The following EPAS1 variants were observed in gnomAD, a reference collection of about 807,000 sequenced individuals.
EPAS1 encodes endothelial PAS domain protein 1.
Under a neutral mutation model 87.9 loss-of-function variants are expected in EPAS1, and 23 were observed. That is an observed-to-expected ratio of 0.26 (90% CI 0.19 to 0.37). The LOEUF (loss-of-function observed/expected upper bound fraction) is 0.37. Ranked by LOEUF, EPAS1 falls within the 10% of genes least tolerant of loss-of-function variation. The pLI, the probability that EPAS1 is intolerant of heterozygous loss-of-function variation, is 1.00. For missense variants in EPAS1, 1,138 were observed against 1,120.7 expected, an observed-to-expected ratio of 1.02 and a Z score of -0.22; for synonymous variants, 508 against 444.3, an observed-to-expected ratio of 1.14 and a Z score of -1.80.
At chr2:46,382,396 A>G in intron 14 of EPAS1, 29 bp from the exon 15 acceptor site, 1 of 1,613,802 alleles carries the variant, frequency 6.2e-7, no homozygotes, top group Non-Finnish European at 8.5e-7. Context: ...GGCCAATGCT[A>G]CCGTCACTCT....
At chr2:46,306,271 T>C (rs1320044238) in intron 1 of EPAS1, among the ~76,000 whole-genome samples, 1 of 152,084 alleles carries the variant, frequency 6.6e-6, no homozygotes, top group Non-Finnish European at 1.5e-5. Context: ...CACTACTTTG[T>C]ATAAGTTTTT....
At chr2:46,343,600 CAT>C (rs891044995) in intron 1 of EPAS1, among the ~76,000 whole-genome samples, 1 of 152,216 alleles carries the variant, frequency 6.6e-6, no homozygotes, top group African/African-American at 2.4e-5. Flanking sequence ...TGAGATAACA[CAT>C]GTTAAGAAGA....
rs1205456989 is a variant in EPAS1, at chr2:46,371,427, A to T, written c.886+1494A>T. 6.6e-6 allele frequency among the ~76,000 whole-genome samples: 1 copy of T among 152,056 alleles called. No individual in the cohort carries two copies. The highest frequency in any genetic ancestry group is 2.4e-5 in the African/African-American group (1 of 41,394). On this transcript the variant is annotated intron_variant, in intron 7 of 15. Transcript: ENST00000263734. The surrounding 1 kb of genome is among the most constrained non-coding windows in gnomAD (Gnocchi z 4.3). ...TGACAGTACAACAGGGCCCATTATG[A>T]TATCTCAGAGAAGTTTCTCACTGTG...
Position 46,381,451 on chromosome 2 carries a change from C to A in EPAS1, c.2046-145C>A, listed in dbSNP as rs1684889300. 7 of 1,330,024 alleles carry A rather than the reference C, an allele frequency of 5.3e-6. No individual in the cohort carries two copies. The South Asian group carries it at 6.0e-5, about 11-fold the overall frequency. 82.4% of individuals were successfully genotyped at this position (1,330,024 alleles called of 1,614,324 possible). A position where few individuals can be genotyped will look rare whatever the true frequency, so the allele number is the denominator to read the frequency against. On this transcript the variant is annotated intron_variant, in intron 12 of 15. Coordinates refer to ENST00000263734, the MANE Select transcript of EPAS1 (RefSeq NM_001430.5). ...AGCTCGAGCTCGGCCTGCAGGTGCA[C>A]AGCCTGCCTCTGAGACTCTGCCTTT...
chr2:46,380,254 A>G lies in EPAS1; in HGVS notation c.1582A>G (p.Thr528Ala). 2 of 1,613,130 alleles carry G rather than the reference A, an allele frequency of 1.2e-6. No individual in the cohort carries two copies. Among genetic ancestry groups the G allele is most frequent in the Non-Finnish European group, 1.7e-6 (2 of 1,179,976 alleles). The stretch of plus-strand genomic sequence containing the variant: ...GGATTTCAATGAGCTGGACTTGGAG[A>G]CACTGGCACCCTATATCCCCATGGA... The part of the protein sequence containing the change: ...QTDFNELDLE[T>A]LAPYIPMDGE... The change falls in exon 12 of 16, where the codon ACA (threonine) becomes GCA (alanine). Residue 528 changes from threonine to alanine, a missense_variant. Physicochemically the swap from Thr to Ala is moderately conservative, Grantham distance 58. Transcript: ENST00000263734. This position sits in a 1 kb window ranked among gnomAD's most constrained non-coding sequence, Gnocchi z 4.4.
intron 1 of EPAS1, among the ~76,000 whole-genome samples, chr2:46,323,205 C>CT (rs879593382): frequency 3.3e-5 from 5 of 151,540 alleles, no homozygotes; most frequent in African/African-American, 7.3e-5. Context: ...AATGAGGAGA[C>CT]TTTTTTTTTA....
At chr2:46,353,996 C>T (rs1017326973) in intron 2 of EPAS1, among the ~76,000 whole-genome samples, 1 of 152,248 alleles carries the variant, frequency 6.6e-6, no homozygotes, top group Non-Finnish European at 1.5e-5. Context: ...GTGACTCTGG[C>T]GTGTTCTCTG....
chr2:46,310,378 T>C (rs1353615748), intron 1 of EPAS1, among the ~76,000 whole-genome samples: 2 of 152,208 alleles, frequency 1.3e-5, no homozygotes, highest in African/African-American at 4.8e-5. Flanking sequence ...TATCCCACTA[T>C]CTGTAGGGCA....
intron 1 of EPAS1, among the ~76,000 whole-genome samples, chr2:46,317,688 A>G (rs1683369725): frequency 6.6e-6 from 1 of 152,216 alleles, no homozygotes; most frequent in African/African-American, 2.4e-5. Context: ...TCTTGCAGTG[A>G]AAGTCCTAGA....
At chr2:46,350,041 A>G (rs184831586) in intron 2 of EPAS1, among the ~76,000 whole-genome samples, 1 of 152,358 alleles carries the variant, frequency 6.6e-6, no homozygotes. Flanking sequence ...CTTATCCTCT[A>G]GCCTGCCACA....
At chr2:46,359,257 C>CAAAAAAGAAAAAA (rs1684336308) in intron 4 of EPAS1, among the ~76,000 whole-genome samples, 1 of 25,092 alleles carries the variant, frequency 4.0e-5, no homozygotes, top group Non-Finnish European at 6.4e-5. Context: ...GATTCTGTCT[C>CAAAAAAGAAAAAA]AAAAAAAAAA....
At chr2:46,374,825 G>T (rs140187222) in intron 7 of EPAS1, among the ~76,000 whole-genome samples, 134 of 152,330 alleles carry the variant, frequency 8.8e-4, no homozygotes, top group African/African-American at 3.1e-3. Flanking sequence ...AGTCTGTGAT[G>T]TGAAACCCTT....
chr2:46,348,099 A>C (rs1245175008), intron 2 of EPAS1, among the ~76,000 whole-genome samples: 1 of 152,180 alleles, frequency 6.6e-6, no homozygotes, highest in Non-Finnish European at 1.5e-5. Context: ...GGGAGGCCAG[A>C]CCAGAATGTA....
chr2:46,352,120 G>A (rs926241476), intron 2 of EPAS1, among the ~76,000 whole-genome samples: 4 of 152,174 alleles, frequency 2.6e-5, no homozygotes, highest in East Asian at 1.9e-4. Flanking sequence ...GCCATCTCTC[G>A]TCTTTGGGGT....
chr2:46,319,800 G>A (rs1395306642), intron 1 of EPAS1, among the ~76,000 whole-genome samples: 2 of 152,222 alleles, frequency 1.3e-5, no homozygotes, highest in Non-Finnish European at 2.9e-5. Flanking sequence ...GGGGATGATT[G>A]CTTGTGGTTG....
At position 46,318,181 on chromosome 2, in the gene EPAS1, T is replaced by TACACACACACAC. The variant is rs59285248; in HGVS notation, c.26+20250_26+20261dup. On this transcript the variant is annotated intron_variant, in intron 1 of 15. Coordinates refer to ENST00000263734, the MANE Select transcript of EPAS1 (RefSeq NM_001430.5). Reference sequence around the variant, plus strand: ...AGGATTGGGGAGGGGGAGAGAGAGATACACACACACACACACAAACACACA... The same window carrying TACACACACACAC: ...AGGATTGGGGAGGGGGAGAGAGAGATACACACACACACACACACACACACACACAAACACACA... Among the ~76,000 whole-genome samples the TACACACACACAC allele has an allele frequency of 3.3e-5, 5 of 150,574 alleles. No individual in the cohort carries two copies. The East Asian group carries it at 5.8e-4, about 18-fold the overall frequency.
chr2:46,330,521 A>G (rs1683654022), intron 1 of EPAS1, among the ~76,000 whole-genome samples: 1 of 152,350 alleles, frequency 6.6e-6, no homozygotes, highest in Non-Finnish European at 1.5e-5. Context: ...TAGAATTGGC[A>G]ACTTAGCTGT....
chr2:46,323,221 C>A (rs1683486203), intron 1 of EPAS1, among the ~76,000 whole-genome samples: 1 of 152,064 alleles, frequency 6.6e-6, no homozygotes, highest in Non-Finnish European at 1.5e-5. Flanking sequence ...TTTTAAGCTG[C>A]TATATTTTGT....
chr2:46,316,656 A>C (rs1312326040), intron 1 of EPAS1, among the ~76,000 whole-genome samples: 1 of 152,198 alleles, frequency 6.6e-6, no homozygotes, highest in African/African-American at 2.4e-5. Context: ...TCTTACTGGG[A>C]GAGGTTCTTG....
Sources: allele counts gnomAD v4.1 joint callset (sites outside exome capture counted in the v4.1 genomes callset), GRCh38; gene constraint gnomAD v4.1.1; non-coding constraint Gnocchi (gnomAD v3.1); transcripts MANE v1.5; gene names NCBI Gene and HGNC (gene_info 2026-07-23, HGNC 2026-07-21).